The following PHF20 variants were observed in gnomAD, a reference collection of about 807,000 sequenced individuals.
The protein encoded by PHF20 is PHD finger protein 20.
Under a neutral mutation model 113.5 loss-of-function variants are expected in PHF20, and 23 were observed. The observed-to-expected ratio is 0.20, with a 90% CI of 0.15 to 0.29. The LOEUF is 0.29. PHF20 is among the 10% of genes least tolerant of loss of function. The pLI is 1.00. For missense variants in PHF20, 943 were observed against 1,219.6 expected (o/e 0.77, Z 3.38); for synonymous variants, 434 against 457.3 (o/e 0.95, Z 0.65).
intron 1 of PHF20, among the ~76,000 whole-genome samples, chr20:35,780,248 C>T (rs1163908497): frequency 2.0e-4 from 25 of 125,986 alleles, no homozygotes; most frequent in Admixed American, 4.5e-4. Context: ...TTTTTTGGGA[C>T]GGAGTCTCAC....
chr20:35,857,671 C>T (rs79374616), intron 4 of PHF20, among the ~76,000 whole-genome samples: 1,590 of 149,634 alleles, frequency 0.011, 18 homozygotes, highest in East Asian at 0.04. Context: ...CTGCAACCTC[C>T]GCCTCCTCAG....
chr20:35,933,443 C>T (rs6058373), intron 15 of PHF20, among the ~76,000 whole-genome samples: 30,459 of 151,248 alleles, frequency 0.2, 3,529 homozygotes, highest in South Asian at 0.35. Context: ...GTCACCCAGG[C>T]TGGAGTCCAG....
rs1432688145 is a variant in PHF20, at chr20:35,948,040, T to G, written c.*413T>G. 1 of 173,154 alleles carries G rather than the reference T, an allele frequency of 5.8e-6. No individual in the cohort carries two copies. Among genetic ancestry groups the G allele is most frequent in the Non-Finnish European group, 1.3e-5 (1 of 79,444 alleles). 10.7% of individuals were successfully genotyped at this position (173,154 alleles called of 1,614,324 possible). On this transcript the variant is annotated 3_prime_UTR_variant, in exon 18 of 18. Transcript: ENST00000374012. ...TGGGGCACATGCCAACTCCCTGGTT[T>G]CTTCCTGGCATGGTGTTTGGGCAGC...
intron 9 of PHF20, among the ~76,000 whole-genome samples, chr20:35,872,455 G>A (rs953065763): frequency 1.3e-5 from 2 of 152,134 alleles, no homozygotes; most frequent in South Asian, 2.1e-4. Flanking sequence ...CCCAGGAGGC[G>A]GAGGTTGCGG....
At chr20:35,929,772 C>CAG (rs2055715374) in intron 14 of PHF20, among the ~76,000 whole-genome samples, 1 of 152,232 alleles carries the variant, frequency 6.6e-6, no homozygotes, top group Non-Finnish European at 1.5e-5. Flanking sequence ...TTGAACTGAG[C>CAG]ACAGCATGTC....
intron 2 of PHF20, among the ~76,000 whole-genome samples, chr20:35,830,233 A>G (rs1178148255): frequency 6.6e-6 from 1 of 151,932 alleles, no homozygotes; most frequent in Non-Finnish European, 1.5e-5. Context: ...CATCTCTCCA[A>G]ACTGAAACCC....
chr20:35,798,355 G>A (rs2041708853), intron 1 of PHF20, among the ~76,000 whole-genome samples: 1 of 152,206 alleles, frequency 6.6e-6, no homozygotes, highest in South Asian at 2.1e-4. Context: ...CGAGGCTACA[G>A]TGATCCAGGT....
Position 35,772,654 on chromosome 20 carries a change from C to T in PHF20, c.-33+575C>T, listed in dbSNP as rs556886405. On this transcript the variant is annotated intron_variant, in intron 1 of 17. Coordinates refer to ENST00000374012, the MANE Select transcript of PHF20 (RefSeq NM_016436.5). ...AATTTTATCTAAATTTCTAAAAGCC[C>T]TCCCCCCCCCAAATTTAGGGCGTAC... Among the ~76,000 whole-genome samples the T allele has an allele frequency of 4.6e-5, 7 of 151,678 alleles. No individual in the cohort carries two copies. In the East Asian group the frequency reaches 9.7e-4, roughly 21 times the overall value.
chr20:35,857,928 A>G (rs1434608315), intron 4 of PHF20, among the ~76,000 whole-genome samples: 2 of 152,198 alleles, frequency 1.3e-5, no homozygotes, highest in South Asian at 4.1e-4. Context: ...GAACGTAAAG[A>G]TTAAATTATA....
intron 13 of PHF20, among the ~76,000 whole-genome samples, chr20:35,922,835 G>C (rs1273467650): frequency 6.6e-6 from 1 of 152,206 alleles, no homozygotes; most frequent in Non-Finnish European, 1.5e-5. Flanking sequence ...CACCTGTATG[G>C]TTGGCTGCAG....
At chr20:35,934,850 T>G (rs1568793104) in intron 15 of PHF20, among the ~76,000 whole-genome samples, 1 of 152,188 alleles carries the variant, frequency 6.6e-6, no homozygotes, top group Non-Finnish European at 1.5e-5. Flanking sequence ...TGTCAGAGAC[T>G]AGCTATTTCC....
At chr20:35,940,801 C>T in intron 16 of PHF20, 63 bp from the exon 17 acceptor site, 2 of 1,373,452 alleles carry the variant, frequency 1.5e-6, no homozygotes, top group Non-Finnish European at 2.0e-6. Flanking sequence ...GAAATGCTGG[C>T]TGGTTGAAAA....
At chr20:35,921,502 G>A (rs573809969) in intron 13 of PHF20, among the ~76,000 whole-genome samples, 3 of 152,022 alleles carry the variant, frequency 2.0e-5, no homozygotes, top group Admixed American at 6.6e-5. Flanking sequence ...TGGAAACATA[G>A]CAAGATCCTA....
intron 9 of PHF20, among the ~76,000 whole-genome samples, chr20:35,893,633 A>G (rs1183015393): frequency 1.3e-5 from 2 of 150,844 alleles, no homozygotes; most frequent in Non-Finnish European, 3.0e-5. Context: ...TTTTGTTTTC[A>G]GACAGAGTTT....
intron 2 of PHF20, among the ~76,000 whole-genome samples, chr20:35,823,829 C>T (rs1337858230): frequency 6.6e-6 from 1 of 152,110 alleles, no homozygotes; most frequent in African/African-American, 2.4e-5. Flanking sequence ...TTATTCAGTA[C>T]ATAGCCTTTT....
chr20:35,849,561 A>G (rs1249920091), intron 4 of PHF20: 1 of 468,012 alleles, frequency 2.1e-6, no homozygotes, highest in Non-Finnish European at 4.4e-6. Flanking sequence ...GATTTCAAAA[A>G]TGATTAGGTT....
chr20:35,774,119 G>A (rs1006372941), intron 1 of PHF20, among the ~76,000 whole-genome samples: 2 of 148,580 alleles, frequency 1.3e-5, no homozygotes, highest in Non-Finnish European at 3.0e-5. Flanking sequence ...GTCTCGCTCT[G>A]TCGCCCAGGC....
At chr20:35,779,128 C>T (rs941420332) in intron 1 of PHF20, among the ~76,000 whole-genome samples, 12 of 151,508 alleles carry the variant, frequency 7.9e-5, no homozygotes, top group South Asian at 2.1e-4. Context: ...CTCTGCCTCC[C>T]GGATTCAAGT....
At chr20:35,926,013 T>C (rs1484229970) in intron 13 of PHF20, among the ~76,000 whole-genome samples, 1 of 148,782 alleles carries the variant, frequency 6.7e-6, no homozygotes, top group Non-Finnish European at 1.5e-5. Flanking sequence ...TCCCAGCTAC[T>C]CAGGAGGCTG....
Sources: gnomAD v4.1 joint callset for allele counts (sites outside exome capture counted in the v4.1 genomes callset) on GRCh38, gnomAD v4.1.1 for gene constraint, MANE v1.5 for transcripts, NCBI Gene and HGNC (gene_info 2026-07-23, HGNC 2026-07-21) for gene names.